The following TMCC3 variants were observed in gnomAD, a reference collection of about 807,000 sequenced individuals.
TMCC3 encodes the protein transmembrane and coiled-coil domain protein 3.
Under a neutral mutation model 40.2 loss-of-function variants are expected in TMCC3, and 28 were observed. The observed-to-expected ratio is 0.70, with a 90% confidence interval of 0.52 to 0.95. The LOEUF is 0.95. Ranked by LOEUF, TMCC3 falls within the 40% of genes least tolerant of loss-of-function variation. The pLI is 0.00. For missense variants in TMCC3, 554 were observed against 615.2 expected (o/e 0.90, Z 1.05); for synonymous variants, 255 against 248.5 (o/e 1.03, Z -0.25).
chr12:94,646,465 T>G (rs2069019158), intron 1 of TMCC3, among the ~76,000 whole-genome samples: 2 of 124,990 alleles, frequency 1.6e-5, no homozygotes, highest in Non-Finnish European at 3.2e-5. Context: ...TGAGAGGAAG[T>G]CTCACTCTTG....
At chr12:94,589,848 T>C (rs7133845) in intron 1 of TMCC3, among the ~76,000 whole-genome samples, 96,904 of 152,074 alleles carry the variant, frequency 0.64, 30,901 homozygotes, top group Admixed American at 0.67. Flanking sequence ...AATAAATAGC[T>C]TAGGTGGGGC....
At chr12:94,603,756 C>CACTTT (rs1434814565) in intron 1 of TMCC3, among the ~76,000 whole-genome samples, 9 of 152,208 alleles carry the variant, frequency 5.9e-5, no homozygotes, top group Non-Finnish European at 1.3e-4. Context: ...AAGATGTATA[C>CACTTT]ACTTTACTGT....
At chr12:94,578,687 T>C (rs564366285) in intron 2 of TMCC3, among the ~76,000 whole-genome samples, 158 bp from the exon 3 acceptor site, 1 of 152,358 alleles carries the variant, frequency 6.6e-6, no homozygotes, top group East Asian at 1.9e-4. Flanking sequence ...AATTGAGCTT[T>C]TGGATAACAC....
intron 1 of TMCC3, among the ~76,000 whole-genome samples, chr12:94,602,782 T>C (rs754628361): frequency 2.6e-5 from 4 of 152,146 alleles, no homozygotes; most frequent in Non-Finnish European, 4.4e-5. Flanking sequence ...ATTGTTTTCC[T>C]GTTGACTATG....
chr12:94,621,672 A>C (rs1049429819), intron 1 of TMCC3, among the ~76,000 whole-genome samples: 4 of 152,218 alleles, frequency 2.6e-5, no homozygotes, highest in Admixed American at 2.6e-4. Context: ...ATCAAGGCCC[A>C]AGAAGTTTAA....
chr12:94,571,423 G>C lies in TMCC3; in HGVS notation c.*12C>G. 5 of 1,606,174 alleles carry C rather than the reference G, an allele frequency of 3.1e-6. No homozygotes were observed. The highest frequency in any genetic ancestry group is 4.3e-6 in the Non-Finnish European group (5 of 1,173,716). Reference sequence around the variant, plus strand: ...AAAACTTGAAAGAACTTGAAGGCAGGAACCAGTGGCTTCATCTTGGTATTA... The same window carrying C: ...AAAACTTGAAAGAACTTGAAGGCAGCAACCAGTGGCTTCATCTTGGTATTA... On this transcript the variant is annotated 3_prime_UTR_variant, in exon 4 of 4. Transcript: ENST00000261226.
At chr12:94,610,429 CAA>C (rs550151055) in intron 1 of TMCC3, among the ~76,000 whole-genome samples, 45 of 137,114 alleles carry the variant, frequency 3.3e-4, no homozygotes, top group Non-Finnish European at 4.2e-4. Flanking sequence ...TTAAGGCAGG[CAA>C]AAAAAAAAAA....
intron 3 of TMCC3, among the ~76,000 whole-genome samples, chr12:94,578,146 C>CAAAAAAAAAAAAAAA (rs1183420863): frequency 1.7e-4 from 6 of 34,852 alleles, no homozygotes; most frequent in African/African-American, 6.1e-4. Context: ...AGACTCACCT[C>CAAAAAAAAAAAAAAA]AAAAAAAAAA....
At chr12:94,632,317 T>C (rs1037644795) in intron 1 of TMCC3, among the ~76,000 whole-genome samples, 1 of 152,234 alleles carries the variant, frequency 6.6e-6, no homozygotes, top group African/African-American at 2.4e-5. Flanking sequence ...CAATAAATAT[T>C]GACACATTTG....
intron 3 of TMCC3, among the ~76,000 whole-genome samples, chr12:94,576,058 A>G (rs1013054726): frequency 6.6e-6 from 1 of 152,322 alleles, no homozygotes; most frequent in South Asian, 2.1e-4. Flanking sequence ...GATTATAGGC[A>G]TGAGCCACTG....
intron 1 of TMCC3, among the ~76,000 whole-genome samples, chr12:94,641,764 G>A (rs1309296224): frequency 1.3e-5 from 2 of 152,088 alleles, no homozygotes; most frequent in African/African-American, 4.8e-5. Context: ...TAAGTCAAAC[G>A]CACAGATGAT....
chr12:94,611,158 A>T (rs1337472117), intron 1 of TMCC3, among the ~76,000 whole-genome samples: 4 of 152,160 alleles, frequency 2.6e-5, no homozygotes, highest in Non-Finnish European at 5.9e-5. Context: ...ATCCTAACTG[A>T]ATTTTGTTTA....
At chr12:94,607,001 T>C (rs1364096486) in intron 1 of TMCC3, among the ~76,000 whole-genome samples, 1 of 152,104 alleles carries the variant, frequency 6.6e-6, no homozygotes, top group Non-Finnish European at 1.5e-5. Context: ...CAAGGTGTAT[T>C]TCAGTCCTTA....
At chr12:94,645,211 A>G (rs2069011571) in intron 1 of TMCC3, among the ~76,000 whole-genome samples, 1 of 152,244 alleles carries the variant, frequency 6.6e-6, no homozygotes, top group Non-Finnish European at 1.5e-5. Flanking sequence ...CAATGTCTAT[A>G]GTTTATAAAT....
chr12:94,571,462 G>C lies in TMCC3; in HGVS notation c.1407C>G (p.Ala469=). The change falls in exon 4 of 4, where the codon GCC becomes GCG. Residue 469 remains alanine (A), a synonymous_variant. Transcript: ENST00000261226. The part of the protein sequence containing the change: ...FCKNWDHILC[A]IERMIIPR Reference sequence around the variant, plus strand: ...ATCTTGGTATTATCATCCTTTCTATGGCACACAGGATATGGTCCCAGTTTT... The same window carrying C: ...ATCTTGGTATTATCATCCTTTCTATCGCACACAGGATATGGTCCCAGTTTT... The C allele has an allele frequency of 3.7e-6, 6 of 1,613,912 alleles. No homozygotes were observed. Among genetic ancestry groups the C allele is most frequent in the Non-Finnish European group, 5.1e-6 (6 of 1,179,814 alleles).
Position 94,581,750 on chromosome 12 carries a change from C to T in TMCC3, c.867G>A (p.Val289=). 2.5e-6 allele frequency: 4 copies of T among 1,614,204 alleles called. No homozygotes were observed. Among genetic ancestry groups the T allele is most frequent in the Non-Finnish European group, 3.4e-6 (4 of 1,180,032 alleles). ...STLDSQGKLA[V]ILEELREIKD... ...TGATCTCCCTCAGTTCCTCCAGGAT[C>T]ACGGCGAGCTTGCCCTGGCTGTCCA... Residue 289 remains valine (V), a synonymous_variant, in exon 2 of 4, where the codon GTG becomes GTA. Transcript: ENST00000261226.
intron 3 of TMCC3, among the ~76,000 whole-genome samples, chr12:94,576,792 T>G (rs2068567686): frequency 6.6e-6 from 1 of 152,160 alleles, no homozygotes; most frequent in Non-Finnish European, 1.5e-5. Context: ...CAATTTTTTT[T>G]TAAAGGCAAT....
intron 1 of TMCC3, among the ~76,000 whole-genome samples, chr12:94,641,430 T>C (rs926930856): frequency 6.6e-6 from 1 of 152,130 alleles, no homozygotes; most frequent in Admixed American, 6.6e-5. Flanking sequence ...AGCCACATTT[T>C]ACTCCCCGGC....
intron 1 of TMCC3, chr12:94,590,760 C>G (rs1594274322): frequency 2.4e-6 from 1 of 411,508 alleles, no homozygotes; most frequent in Admixed American, 3.1e-5. Flanking sequence ...CTCACGCTTC[C>G]GGAGACTGGA....
Sources: allele counts gnomAD v4.1 joint callset (sites outside exome capture counted in the v4.1 genomes callset), GRCh38; gene constraint gnomAD v4.1.1; transcripts MANE v1.5; gene names NCBI Gene and HGNC (gene_info 2026-07-23, HGNC 2026-07-21).